Variants in BMPER observed in about 807,000 individuals in gnomAD.
The protein encoded by BMPER is BMP binding endothelial regulator, also known as BMP-binding endothelial regulator protein.
BMPER carries 45 observed loss-of-function variants against 87.3 expected under a neutral mutation model. The ratio of observed to expected loss-of-function variants is 0.52; its 90% CI spans 0.41 to 0.66. The LOEUF is 0.66. Ranked by LOEUF, BMPER falls within the 30% of genes least tolerant of loss-of-function variation. BMPER has a pLI of 0.00. For synonymous variants in BMPER, 326 were observed against 316.2 expected, an observed-to-expected ratio of 1.03 and a Z score of -0.33; for missense variants, 784 against 867.5, an observed-to-expected ratio of 0.90 and a Z score of 1.21.
chr7:33,951,395 C>T (rs1785020980), intron 3 of BMPER, among the ~76,000 whole-genome samples: 1 of 152,100 alleles, frequency 6.6e-6, no homozygotes, highest in African/African-American at 2.4e-5. Flanking sequence ...CACTTCCTGC[C>T]ATGGAATTTT....
chr7:34,020,759 C>G (rs531102485), intron 6 of BMPER, among the ~76,000 whole-genome samples: 1 of 151,856 alleles, frequency 6.6e-6, no homozygotes, highest in East Asian at 2.0e-4. Flanking sequence ...ACAAGAGCAC[C>G]AGTTAGTAGT....
chr7:34,133,125 C>G (rs1790635714), intron 13 of BMPER, among the ~76,000 whole-genome samples: 1 of 152,064 alleles, frequency 6.6e-6, no homozygotes, highest in Admixed American at 6.6e-5. Flanking sequence ...ATCTTTTGTT[C>G]TAATGAGATG....
intron 2 of BMPER, among the ~76,000 whole-genome samples, chr7:33,913,366 A>G (rs1373108544): frequency 6.6e-6 from 1 of 152,232 alleles, no homozygotes; most frequent in African/African-American, 2.4e-5. Context: ...GAAGCCATTT[A>G]ATATTTTTGT....
chr7:34,051,822 A>T (rs776403243), intron 7 of BMPER, 39 bp from the exon 8 acceptor site: 10 of 1,533,802 alleles, frequency 6.5e-6, no homozygotes, highest in Non-Finnish European at 9.0e-7. Context: ...GACATCCCCG[A>T]TTCTGTCTTA....
intron 13 of BMPER, among the ~76,000 whole-genome samples, chr7:34,122,113 G>T (rs1245455569): frequency 6.6e-6 from 1 of 151,736 alleles, no homozygotes; most frequent in Non-Finnish European, 1.5e-5. Context: ...ATTGTGGGGT[G>T]GGGTGGGCTG....
At chr7:33,972,198 C>T (rs1054246557) in intron 5 of BMPER, among the ~76,000 whole-genome samples, 14 of 152,246 alleles carry the variant, frequency 9.2e-5, no homozygotes, top group South Asian at 2.1e-4. Flanking sequence ...CCCCTACGCC[C>T]GGCCGACTAT....
intron 6 of BMPER, among the ~76,000 whole-genome samples, chr7:33,996,332 G>C (rs919187): frequency 0.05 from 7,657 of 152,162 alleles, 233 homozygotes; most frequent in African/African-American, 0.077. Context: ...CTGCATAGCT[G>C]AGTGATTTTT....
At chr7:34,041,007 G>C (rs1787818617) in intron 6 of BMPER, among the ~76,000 whole-genome samples, 1 of 152,172 alleles carries the variant, frequency 6.6e-6, no homozygotes, top group Non-Finnish European at 1.5e-5. Context: ...ATCTACCAGG[G>C]AAGACACAAG....
chr7:34,033,098 C>T (rs1787574558), intron 6 of BMPER, among the ~76,000 whole-genome samples: 1 of 152,148 alleles, frequency 6.6e-6, no homozygotes, highest in South Asian at 2.1e-4. Context: ...TAAATGGGAG[C>T]TATTTTCTAC....
chr7:34,095,256 T>C (rs1379179910), intron 13 of BMPER, among the ~76,000 whole-genome samples: 1 of 152,174 alleles, frequency 6.6e-6, no homozygotes, highest in Admixed American at 6.5e-5. Context: ...GTTTTGTTGT[T>C]TGTAGGGGTA....
intron 2 of BMPER, among the ~76,000 whole-genome samples, chr7:33,919,166 A>G (rs561844669): frequency 2.6e-5 from 4 of 152,332 alleles, no homozygotes; most frequent in South Asian, 2.1e-4. Context: ...TTAATGGGTC[A>G]TGTTACAGAA....
rs1265298999 is a variant in BMPER at position 34,024,368 on chromosome 7, A to AC, written c.577-21938_577-21937insC. ...GCGAAACTCTGTCTCAAAAAAAAAA[A>AC]AAAAAAAAAAAAAACAATATATATA... On this transcript the variant is annotated intron_variant, in intron 6 of 14. Transcript: ENST00000649409. Among the ~76,000 whole-genome samples, 39 of 101,810 alleles carry AC rather than the reference A, an allele frequency of 3.8e-4. 5 individuals carry two copies. The highest frequency in any genetic ancestry group is 1.7e-3 in the African/African-American group (35 of 20,602). 66.8% of individuals were successfully genotyped at this position (101,810 alleles called of 152,430 possible). A position where few individuals can be genotyped will look rare whatever the true frequency, so the allele number is the denominator to read the frequency against.
chr7:33,966,577 T>C lies in BMPER; in HGVS notation c.402+16T>C. On this transcript the variant is annotated intron_variant, in intron 4 of 14. Coordinates refer to ENST00000649409, the MANE Select transcript of BMPER (RefSeq NM_001365308.1). ...CCAGTGCCAGGTAAAGTTCAATTAT[T>C]TCTCTCTCCAGTAAAAAGGAATCCA... 3 of 1,610,726 alleles carry C rather than the reference T, an allele frequency of 1.9e-6. No homozygotes were observed. Among genetic ancestry groups the C allele is most frequent in the Non-Finnish European group, 2.5e-6 (3 of 1,177,072 alleles).
chr7:33,994,821 C>T (rs1458132778), intron 6 of BMPER, among the ~76,000 whole-genome samples: 1 of 152,084 alleles, frequency 6.6e-6, no homozygotes, highest in Non-Finnish European at 1.5e-5. Context: ...CTGGAACCTT[C>T]CCACTCACCT....
intron 3 of BMPER, among the ~76,000 whole-genome samples, chr7:33,952,325 C>T (rs73314401): frequency 0.033 from 4,966 of 152,212 alleles, 285 homozygotes; most frequent in African/African-American, 0.11. Context: ...GATTTTTCCC[C>T]CTCCTGTCTT....
At chr7:34,032,892 G>A (rs1290264068) in intron 6 of BMPER, among the ~76,000 whole-genome samples, 3 of 152,122 alleles carry the variant, frequency 2.0e-5, no homozygotes, top group African/African-American at 7.2e-5. Flanking sequence ...TCATTTCACA[G>A]TTAGAGGCTG....
intron 6 of BMPER, among the ~76,000 whole-genome samples, chr7:33,975,730 A>G (rs1349200773): frequency 6.6e-6 from 1 of 152,196 alleles, no homozygotes; most frequent in Non-Finnish European, 1.5e-5. Flanking sequence ...AGAATATTAA[A>G]AGGAAAATAC....
At chr7:34,051,702 G>A (rs1036461967) in intron 7 of BMPER, among the ~76,000 whole-genome samples, 159 bp from the exon 8 acceptor site, 7 of 152,020 alleles carry the variant, frequency 4.6e-5, no homozygotes, top group Non-Finnish European at 1.0e-4. Context: ...ATGACTCCTG[G>A]GGATCCTTTA....
At chr7:34,075,533 C>T (rs2127972297) in intron 11 of BMPER, among the ~76,000 whole-genome samples, 1 of 152,264 alleles carries the variant, frequency 6.6e-6, no homozygotes, top group Middle Eastern at 3.4e-3. Flanking sequence ...ATGATTTGAC[C>T]TACAGGACTA....
Sources: allele counts gnomAD v4.1 joint callset (sites outside exome capture counted in the v4.1 genomes callset), GRCh38; gene constraint gnomAD v4.1.1; transcripts MANE v1.5; gene names NCBI Gene and HGNC (gene_info 2026-07-23, HGNC 2026-07-21).